Variants in TASP1 observed in about 807,000 individuals in gnomAD.
TASP1 encodes taspase 1.
TASP1 carries 16 observed loss-of-function variants against 56.6 expected under a neutral mutation model. The ratio of observed to expected loss-of-function variants is 0.28; its 90% CI spans 0.19 to 0.43. The LOEUF (loss-of-function observed/expected upper bound fraction) is 0.43, where lower values mean the gene tolerates loss of function less well. TASP1 is among the 20% of genes least tolerant of loss of function. TASP1 has a pLI of 1.00. For synonymous variants in TASP1, 179 were observed against 184.2 expected, an observed-to-expected ratio of 0.97 and a Z score of 0.23; for missense variants, 393 against 511.6, an observed-to-expected ratio of 0.77 and a Z score of 2.24.
intron 7 of TASP1, among the ~76,000 whole-genome samples, chr20:13,568,232 C>T (rs2046601967): frequency 1.3e-5 from 2 of 152,156 alleles, no homozygotes; most frequent in Admixed American, 1.3e-4. Context: ...ACTGCAGCCT[C>T]AAACTCCTAA....
chr20:13,215,966 T>C, the TASP1 span, among the ~76,000 whole-genome samples: 2 of 152,234 alleles, frequency 1.3e-5, no homozygotes. Context: ...GAGGCTCTAA[T>C]GGAACAACAC....
At chr20:13,201,985 C>T in the TASP1 span, among the ~76,000 whole-genome samples, 1 of 152,086 alleles carries the variant, frequency 6.6e-6, no homozygotes, top group African/African-American at 2.4e-5. Flanking sequence ...GAACTCCTGA[C>T]CTCATGATCT....
intron 10 of TASP1, among the ~76,000 whole-genome samples, chr20:13,486,997 AG>A (rs2043343208): frequency 6.6e-6 from 1 of 152,176 alleles, no homozygotes; most frequent in African/African-American, 2.4e-5. Context: ...TAATAAGGCA[AG>A]GGGAAAAAAG....
At chr20:13,159,937 G>A in the TASP1 span, 1 of 1,438,472 alleles carries the variant, frequency 7.0e-7, no homozygotes, top group African/African-American at 1.4e-5. Flanking sequence ...TTCCTTTTTT[G>A]TCAGGATAAT....
At chr20:13,196,195 T>C in the TASP1 span, among the ~76,000 whole-genome samples, 9,537 of 152,234 alleles carry the variant, frequency 0.063, 628 homozygotes, top group African/African-American at 0.17. Context: ...AAACTGACCA[T>C]TTCAAGCTAG....
intron 11 of TASP1, among the ~76,000 whole-genome samples, chr20:13,478,491 G>T (rs2043022243): frequency 6.6e-6 from 1 of 152,060 alleles, no homozygotes; most frequent in Non-Finnish European, 1.5e-5. Context: ...AATACCAAAT[G>T]TTCTCACTTA....
At chr20:13,573,741 C>T (rs1026875035) in intron 6 of TASP1, among the ~76,000 whole-genome samples, 2 of 151,904 alleles carry the variant, frequency 1.3e-5, no homozygotes, top group Admixed American at 6.6e-5. Flanking sequence ...GTGAAAAAAA[C>T]AAAAGACAAA....
intron 1 of TASP1, among the ~76,000 whole-genome samples, chr20:13,636,687 A>C (rs1029905878): frequency 6.6e-6 from 1 of 152,052 alleles, no homozygotes; most frequent in African/African-American, 2.4e-5. Flanking sequence ...ATACAGAAAA[A>C]CGGTTAAGAA....
chr20:13,577,117 T>C (rs1280831300), intron 6 of TASP1, among the ~76,000 whole-genome samples: 1 of 152,078 alleles, frequency 6.6e-6, no homozygotes, highest in Non-Finnish European at 1.5e-5. Flanking sequence ...AGGGCAGAGA[T>C]GGGGGTCACG....
chr20:13,198,305 G>T, the TASP1 span, among the ~76,000 whole-genome samples: 2 of 152,060 alleles, frequency 1.3e-5, no homozygotes, highest in African/African-American at 4.8e-5. Flanking sequence ...GTGCCAATGT[G>T]GTCGGGTTCT....
At chr20:13,462,428 G>A (rs2044087962) in intron 11 of TASP1, among the ~76,000 whole-genome samples, 1 of 152,188 alleles carries the variant, frequency 6.6e-6, no homozygotes, top group Non-Finnish European at 1.5e-5. Flanking sequence ...GAAAAGCGAA[G>A]TATAATAAGG....
chr20:13,141,309 T>C, the TASP1 span, among the ~76,000 whole-genome samples: 7 of 152,212 alleles, frequency 4.6e-5, no homozygotes, highest in South Asian at 4.1e-4. Flanking sequence ...GATTTACTCC[T>C]CACTCAAATT....
the TASP1 span, among the ~76,000 whole-genome samples, chr20:13,344,659 G>C: frequency 6.6e-6 from 1 of 152,128 alleles, no homozygotes; most frequent in African/African-American, 2.4e-5. Context: ...TAGCCCATGG[G>C]GTCAATATGA....
At chr20:13,129,651 C>A in the TASP1 span, among the ~76,000 whole-genome samples, 16 of 152,338 alleles carry the variant, frequency 1.1e-4, no homozygotes, top group Admixed American at 5.9e-4. Context: ...GAATCAGTTG[C>A]TTTACATGTA....
chr20:13,496,848 C>T (rs191187868), intron 10 of TASP1, among the ~76,000 whole-genome samples: 9 of 152,124 alleles, frequency 5.9e-5, no homozygotes, highest in Non-Finnish European at 1.2e-4. Context: ...GGTTTTTTAA[C>T]GAAAATGCAC....
the TASP1 span, among the ~76,000 whole-genome samples, chr20:13,124,390 T>G: frequency 6.6e-6 from 1 of 150,584 alleles, no homozygotes; most frequent in Non-Finnish European, 1.5e-5. Context: ...AGGAAGGAAA[T>G]ACTTTGAAAT....
chr20:13,347,778 G>A, the TASP1 span, among the ~76,000 whole-genome samples: 4 of 151,014 alleles, frequency 2.6e-5, no homozygotes, highest in East Asian at 3.9e-4. Context: ...GGGGGCAGAG[G>A]TTTTAGTAAG....
chr20:13,318,444 G>A, the TASP1 span, among the ~76,000 whole-genome samples: 18,197 of 152,140 alleles, frequency 0.12, 1,217 homozygotes, highest in Admixed American at 0.18. Context: ...TTAAACGTAC[G>A]CTTACCATAG....
chr20:13,298,713 T>C, the TASP1 span, among the ~76,000 whole-genome samples: 2 of 152,154 alleles, frequency 1.3e-5, no homozygotes, highest in Non-Finnish European at 2.9e-5. Context: ...TTGTGAATAA[T>C]GAAGTTCCCA....
Sources: gnomAD v4.1 joint callset for allele counts (sites outside exome capture counted in the v4.1 genomes callset) on GRCh38, gnomAD v4.1.1 for gene constraint, MANE v1.5 for transcripts, NCBI Gene and HGNC (gene_info 2026-07-23, HGNC 2026-07-21) for gene names.